The following COPB2 variants were observed in gnomAD, a reference collection of about 807,000 sequenced individuals.
COPB2 encodes coat protein complex I subunit beta 2.
In COPB2, 16 loss-of-function variants were observed where a neutral mutation model predicts 120.8. That is an observed-to-expected ratio of 0.13 (90% CI 0.09 to 0.20). COPB2 has a LOEUF of 0.20. COPB2 is among the 10% of genes least tolerant of loss of function. COPB2 has a pLI of 1.00. For synonymous variants in COPB2, 332 were observed against 366.3 expected (o/e 0.91, Z 1.07); for missense variants, 794 against 1,076.5 (o/e 0.74, Z 3.67).
intron 2 of COPB2, 187 bp from the exon 3 acceptor site, chr3:139,379,653 T>G: frequency 1.8e-6 from 1 of 548,570 alleles, no homozygotes; most frequent in Non-Finnish European, 3.2e-6. Context: ...GATTCGAAAT[T>G]AAAACACTTT....
rs1168850931 is a variant in COPB2 at position 139,375,560 on chromosome 3, C to A, written c.559G>T (p.Gly187Cys). The A allele has an allele frequency of 1.2e-6, 2 of 1,614,078 alleles. No individual in the cohort carries two copies. Among genetic ancestry groups the A allele is most frequent in the Non-Finnish European group, 1.7e-6 (2 of 1,179,972 alleles). Residue 187 changes from glycine (G) to cysteine (C), a missense_variant, in exon 6 of 22, where the codon GGC becomes TGC. Physicochemically the swap from Gly to Cys is radical, Grantham distance 159. Around this residue, in one of 3 missense-constraint regions of COPB2, gnomAD observed 610 missense variants for 866.7 expected, o/e 0.70. Transcript: ENST00000333188. ...PNFTLEGHEKGVNCIDYYSGG... is the reference protein window; with the variant it reads ...PNFTLEGHEKCVNCIDYYSGG... ...CTGTAGTAATCAATGCAATTCACGC[C>A]TTTCTCATGTCCTTCCAAAGTGAAG...
intron 16 of COPB2, among the ~76,000 whole-genome samples, chr3:139,361,595 G>GGCAATTAGACT (rs1174491920): frequency 3.9e-4 from 60 of 152,250 alleles, no homozygotes; most frequent in African/African-American, 1.4e-3. Flanking sequence ...GGAGTTTTAA[G>GGCAATTAGACT]GCAATTAGAC....
intron 15 of COPB2, among the ~76,000 whole-genome samples, chr3:139,366,228 C>T (rs776126468): frequency 3.3e-5 from 5 of 151,586 alleles, no homozygotes; most frequent in South Asian, 2.1e-4. Context: ...TGTCATGGTA[C>T]ATTTTATATG....
intron 17 of COPB2, 43 bp downstream of exon 17, chr3:139,361,038 A>G (rs1298257089): frequency 6.3e-7 from 1 of 1,599,806 alleles, no homozygotes; most frequent in East Asian, 2.2e-5. Flanking sequence ...TCCAAAAACC[A>G]TCCTCAGTGT....
chr3:139,360,949 C>G, intron 17 of COPB2, 132 bp downstream of exon 17: 1 of 931,066 alleles, frequency 1.1e-6, no homozygotes, highest in Non-Finnish European at 1.7e-6. Flanking sequence ...GCAGCACTGT[C>G]CTGTTCTGAC....
At chr3:139,374,726 T>C in intron 6 of COPB2, 138 bp from the exon 7 acceptor site, 1 of 507,754 alleles carries the variant, frequency 2.0e-6, no homozygotes, top group Non-Finnish European at 3.4e-6. Flanking sequence ...TAGAAATTTT[T>C]GAAATAGGAT....
In COPB2 at chr3:139,373,275, T is replaced by G. The variant is rs140980848; in HGVS notation, c.1032A>C (p.Ala344=). The part of the protein sequence containing the change: ...EIKDGERLPL[A]VKDMGSCEIY... ...TTTCACAACTGCCCATATCCTTTACTGCCAGTGGCAATCTTTCACCATCTT... is the reference window on the plus strand; with the variant it reads ...TTTCACAACTGCCCATATCCTTTACGGCCAGTGGCAATCTTTCACCATCTT... The change falls in exon 9 of 22, where the codon GCA becomes GCC. Residue 344 remains alanine (A), a synonymous_variant. Coordinates refer to ENST00000333188, the MANE Select transcript of COPB2 (RefSeq NM_004766.3). The G allele has an allele frequency of 1.1e-4, 182 of 1,614,060 alleles. No individual in the cohort carries two copies. Among genetic ancestry groups the G allele is most frequent in the Non-Finnish European group, 1.5e-4 (176 of 1,180,016 alleles).
chr3:139,378,286 T>C (rs896300287), intron 4 of COPB2, 97 bp from the exon 5 acceptor site: 3 of 1,146,192 alleles, frequency 2.6e-6, no homozygotes, highest in Middle Eastern at 2.2e-4. Flanking sequence ...ACACAAACCA[T>C]ATAATCCATG....
At position 139,389,560 on chromosome 3, in the gene COPB2, G is replaced by C. The variant is rs769112546; in HGVS notation, c.-10C>G. 4 of 1,573,964 alleles carry C rather than the reference G, an allele frequency of 2.5e-6. No individual in the cohort carries two copies. The highest frequency in any genetic ancestry group is 2.7e-5 in the African/African-American group (2 of 73,952). The stretch of plus-strand genomic sequence containing the variant: ...GATCTGGACCTACCATGGCTGCGTC[G>C]GTCCAATCCCGGGAACCCTCGTTTG... On this transcript the variant is annotated 5_prime_UTR_variant, in exon 1 of 22. Coordinates refer to ENST00000333188, the MANE Select transcript of COPB2 (RefSeq NM_004766.3).
rs562705891 is a variant in COPB2, at chr3:139,365,207, TCCTACCAAGG to T, written c.1884+1351_1884+1360del. On this transcript the variant is annotated intron_variant, in intron 15 of 21. Coordinates refer to ENST00000333188, the MANE Select transcript of COPB2 (RefSeq NM_004766.3). ...ACTGGCAGAATTAATGAAAACTGAT[TCCTACCAAGG>T]CCTACCATGATTATAACATTTCAGT... Among the ~76,000 whole-genome samples, 22 of 152,268 alleles carry T rather than the reference TCCTACCAAGG, an allele frequency of 1.4e-4. No individual in the cohort carries two copies. The South Asian group carries it at 4.6e-3, about 32-fold the overall frequency.
intron 1 of COPB2, chr3:139,385,472 T>G (rs909370020): frequency 6.6e-6 from 1 of 152,182 alleles, no homozygotes; most frequent in African/African-American, 2.4e-5. Flanking sequence ...TGGAGAAAAA[T>G]GGTAGATTTA....
At chr3:139,358,574 G>C (rs1422084982) in intron 20 of COPB2, 170 bp downstream of exon 20, 2 of 615,622 alleles carry the variant, frequency 3.2e-6, no homozygotes, top group African/African-American at 3.7e-5. Context: ...CCAGCTACTC[G>C]GGAGGCTGAG....
intron 10 of COPB2, among the ~76,000 whole-genome samples, 171 bp downstream of exon 10, chr3:139,371,552 C>T (rs1201413343): frequency 2.0e-5 from 3 of 152,218 alleles, no homozygotes; most frequent in African/African-American, 4.8e-5. Flanking sequence ...AGCACTAAGA[C>T]GGCTCATGCT....
chr3:139,368,065 T>TA, intron 13 of COPB2, 80 bp downstream of exon 13: 2 of 1,447,766 alleles, frequency 1.4e-6, no homozygotes, highest in African/African-American at 1.4e-5. Context: ...AACGAAATGT[T>TA]AAAATCAGTA....
intron 5 of COPB2, among the ~76,000 whole-genome samples, chr3:139,377,251 A>AT (rs111771188): frequency 0.38 from 57,699 of 151,918 alleles, 13,680 homozygotes; most frequent in Non-Finnish European, 0.53. Context: ...ATTCAATCTG[A>AT]GAAAGGCTGA....
At position 139,389,408 on chromosome 3, in the gene COPB2, C is replaced by CCG. The variant is rs3215032; in HGVS notation, c.3+139_3+140insCG. The CCG allele has an allele frequency of 5.5e-6, 7 of 1,272,572 alleles. No homozygotes were observed. In the African/African-American group the frequency reaches 9.3e-5, roughly 17 times the overall value. 78.8% of individuals were successfully genotyped at this position (1,272,572 alleles called of 1,614,324 possible). A position where few individuals can be genotyped will look rare whatever the true frequency, so the allele number is the denominator to read the frequency against. On this transcript the variant is annotated intron_variant, in intron 1 of 21. Coordinates refer to ENST00000333188, the MANE Select transcript of COPB2 (RefSeq NM_004766.3). ...CGCCTTCTCCCTTCCTGGAATCAAA[C>CCG]GACCAAGACCCCGCAAGGCCTGAGG... is the stretch of plus-strand genomic sequence containing the variant.
In COPB2 at chr3:139,386,969, C is replaced by T. The variant is rs182412138; in HGVS notation, c.3+2579G>A. Among the ~76,000 whole-genome samples, 666 of 149,062 alleles carry T rather than the reference C, an allele frequency of 4.5e-3. 1 individual carries two copies. Among genetic ancestry groups the T allele is most frequent in the African/African-American group, 0.014 (577 of 40,578 alleles). ...ATCTCAGTACTTTGGGAAGCTGAGG[C>T]GGGAGGATCACCTGAAGTCAGGAGT... is the stretch of plus-strand genomic sequence containing the variant. On this transcript the variant is annotated intron_variant, in intron 1 of 21. Coordinates refer to ENST00000333188, the MANE Select transcript of COPB2 (RefSeq NM_004766.3).
intron 19 of COPB2, 77 bp from the exon 20 acceptor site, chr3:139,358,889 G>A: frequency 6.4e-7 from 1 of 1,556,422 alleles, no homozygotes; most frequent in Non-Finnish European, 8.9e-7. Context: ...CTAAATCCCA[G>A]ATATCAGCTC....
At position 139,359,310 on chromosome 3, in the gene COPB2, C is replaced by T; in HGVS notation, c.2263G>A (p.Ala755Thr). 6.2e-7 allele frequency: 1 copy of T among 1,614,174 alleles called. No individual in the cohort carries two copies. The highest frequency in any genetic ancestry group is 8.5e-7 in the Non-Finnish European group (1 of 1,180,010). The change falls in exon 18 of 22, where the codon GCC (alanine) becomes ACC (threonine). Residue 755 changes from alanine to threonine, a missense_variant. Ala to Thr is a moderately conservative substitution (Grantham distance 58, BLOSUM62 0). Around this residue, in one of 3 missense-constraint regions of COPB2, gnomAD observed 178 missense variants for 183.2 expected, o/e 0.97. Coordinates refer to ENST00000333188, the MANE Select transcript of COPB2 (RefSeq NM_004766.3). ...LIRTGRLPEA[A>T]FLARTYLPSQ... ...GGTAAGTAAGTTCGGGCCAAGAAGG[C>T]AGCTTCTGGCAGCCGTCCAGTTCTA...
Sources: allele counts gnomAD v4.1 joint callset (sites outside exome capture counted in the v4.1 genomes callset), GRCh38; gene constraint gnomAD v4.1.1; regional missense constraint gnomAD v4.1.1; transcripts MANE v1.5; gene names NCBI Gene and HGNC (gene_info 2026-07-23, HGNC 2026-07-21).